Variants in SPECC1 observed in about 807,000 individuals in gnomAD.
The protein encoded by SPECC1 is cytospin-B.
SPECC1 carries 62 observed loss-of-function variants against 104.1 expected under a neutral mutation model. The ratio of observed to expected loss-of-function variants is 0.60; its 90% CI spans 0.49 to 0.74. The LOEUF (loss-of-function observed/expected upper bound fraction) is 0.74, where lower values mean the gene tolerates loss of function less well. Ranked by LOEUF, SPECC1 falls within the 30% of genes least tolerant of loss-of-function variation. The pLI is 0.00. For missense variants in SPECC1, 1,306 were observed against 1,310.5 expected, an observed-to-expected ratio of 1.00 and a Z score of 0.05; for synonymous variants, 513 against 501.6, an observed-to-expected ratio of 1.02 and a Z score of -0.30.
intron 2 of SPECC1, among the ~76,000 whole-genome samples, chr17:20,098,697 C>T (rs2047773253): frequency 6.6e-6 from 1 of 152,218 alleles, no homozygotes; most frequent in South Asian, 2.1e-4. Context: ...GCTCCCTCTG[C>T]CCGGAAAGCA....
At chr17:20,283,871 G>A (rs2040857031) in intron 12 of SPECC1, among the ~76,000 whole-genome samples, 1 of 152,142 alleles carries the variant, frequency 6.6e-6, no homozygotes, top group Admixed American at 6.5e-5. Flanking sequence ...TTATAGGCAT[G>A]AGCTACCATG....
At chr17:20,124,760 A>G (rs144100284) in intron 3 of SPECC1, among the ~76,000 whole-genome samples, 12 of 152,288 alleles carry the variant, frequency 7.9e-5, no homozygotes, top group African/African-American at 2.9e-4. Flanking sequence ...GGCTCAGAAC[A>G]CTCATATGAG....
chr17:20,136,075 G>A (rs1479905622), intron 3 of SPECC1, among the ~76,000 whole-genome samples: 1 of 152,112 alleles, frequency 6.6e-6, no homozygotes, highest in African/African-American at 2.4e-5. Context: ...TGTAGAAAGG[G>A]TCCTAGAGTT....
intron 1 of SPECC1, among the ~76,000 whole-genome samples, chr17:20,075,643 T>A (rs1204894186): frequency 6.6e-6 from 1 of 151,948 alleles, no homozygotes; most frequent in Non-Finnish European, 1.5e-5. Flanking sequence ...TCTCCAAAAT[T>A]TTGTAAAAAA....
At chr17:20,107,556 A>G (rs900496198) in intron 2 of SPECC1, among the ~76,000 whole-genome samples, 1 of 150,228 alleles carries the variant, frequency 6.7e-6, no homozygotes, top group African/African-American at 2.5e-5. Flanking sequence ...TCCTGGGTTC[A>G]AGCGATTCTC....
chr17:20,241,736 AAATT>A (rs1338512885), intron 7 of SPECC1, among the ~76,000 whole-genome samples: 1 of 152,214 alleles, frequency 6.6e-6, no homozygotes, highest in East Asian at 1.9e-4. Context: ...TTTGAAAGTG[AAATT>A]TAGAAGATAT....
At chr17:20,018,684 G>A (rs1815540877) in intron 1 of SPECC1, among the ~76,000 whole-genome samples, 1 of 152,234 alleles carries the variant, frequency 6.6e-6, no homozygotes, top group Non-Finnish European at 1.5e-5. Context: ...AGGATACAAA[G>A]CACAATCAGC....
intron 1 of SPECC1, among the ~76,000 whole-genome samples, chr17:20,075,760 G>A (rs1255697287): frequency 1.3e-5 from 2 of 152,034 alleles, no homozygotes; most frequent in African/African-American, 4.8e-5. Flanking sequence ...AGCCTGGGCA[G>A]CATAGTGATA....
chr17:20,118,337 C>G (rs1279830827), intron 3 of SPECC1, among the ~76,000 whole-genome samples: 2 of 152,086 alleles, frequency 1.3e-5, no homozygotes, highest in East Asian at 3.9e-4. Flanking sequence ...TACTGATATT[C>G]TTGGAAAAGG....
intron 3 of SPECC1, among the ~76,000 whole-genome samples, chr17:20,124,098 CAGA>C (rs1254034093): frequency 6.6e-6 from 1 of 151,588 alleles, no homozygotes; most frequent in African/African-American, 2.4e-5. Context: ...TTGGATGCCA[CAGA>C]AGGAGGAGGG....
chr17:20,253,546 G>A lies in SPECC1; in HGVS notation c.2640G>A (p.Gly880=). Residue 880 remains glycine (G), a synonymous_variant, in exon 10 of 15, where the codon GGG becomes GGA. Transcript: ENST00000395527. ...GCAGTGTGCGGCCAGCCAGCAGAGG[G>A]GTGACTCAACGCTTGGACCTTCCTG... is the stretch of plus-strand genomic sequence containing the variant. ...TYSSVRPASR[G]VTQRLDLPDL... 6.2e-7 allele frequency: 1 copy of A among 1,613,976 alleles called. No individual in the cohort carries two copies. Among genetic ancestry groups the A allele is most frequent in the Non-Finnish European group, 8.5e-7 (1 of 1,180,018 alleles).
chr17:20,112,730 A>G (rs1277130646), intron 3 of SPECC1: 21 of 1,209,140 alleles, frequency 1.7e-5, no homozygotes, highest in Non-Finnish European at 2.5e-5. Flanking sequence ...TCTTAAAGCC[A>G]ATTTAGAAGG....
intron 1 of SPECC1, among the ~76,000 whole-genome samples, chr17:20,074,936 G>T (rs1213983408): frequency 3.3e-5 from 5 of 151,682 alleles, no homozygotes; most frequent in African/African-American, 1.2e-4. Flanking sequence ...GAGCCTTGCT[G>T]TTGTCACCCA....
chr17:20,137,606 GT>G (rs1399931925), intron 3 of SPECC1, among the ~76,000 whole-genome samples: 2 of 152,028 alleles, frequency 1.3e-5, no homozygotes, highest in East Asian at 1.9e-4. Context: ...GATTCTTCAA[GT>G]TTTGCTTTCT....
chr17:20,255,198 G>A (rs895144414), intron 10 of SPECC1, among the ~76,000 whole-genome samples: 3 of 152,148 alleles, frequency 2.0e-5, no homozygotes, highest in African/African-American at 7.2e-5. Flanking sequence ...GAAGACCAAA[G>A]GCCAGTGTAA....
Position 20,238,342 on chromosome 17 carries a change from T to A in SPECC1, c.2351+5937T>A, listed in dbSNP as rs1329891083. 5.8e-6 allele frequency: 6 copies of A among 1,039,428 alleles called. No homozygotes were observed. The East Asian group carries it at 3.5e-4, about 60-fold the overall frequency. The allele number at this position is 1,039,428 out of a possible 1,614,324, so 64.4% of individuals were successfully genotyped here. On this transcript the variant is annotated intron_variant, in intron 7 of 14. Transcript: ENST00000395527. ...ACAATTCAAAATGTGATTTTAAACT[T>A]CTGGAAATATGTGTGTTTGTGAAGA...
intron 9 of SPECC1, among the ~76,000 whole-genome samples, chr17:20,251,708 G>A (rs556259222): frequency 6.6e-6 from 1 of 152,182 alleles, no homozygotes. Flanking sequence ...TAGAGAATCA[G>A]TAAAATAAAT....
chr17:20,170,868 T>G (rs1273014038), intron 3 of SPECC1, among the ~76,000 whole-genome samples: 1 of 152,178 alleles, frequency 6.6e-6, no homozygotes, highest in Non-Finnish European at 1.5e-5. Context: ...AAAGAACTGG[T>G]ACCAACCACC....
chr17:20,098,175 C>T (rs907514094), intron 2 of SPECC1, among the ~76,000 whole-genome samples: 2 of 152,148 alleles, frequency 1.3e-5, no homozygotes, highest in African/African-American at 4.8e-5. Flanking sequence ...CCTTCCTCTC[C>T]ATCTCTCTCA....
Sources: allele counts gnomAD v4.1 joint callset (sites outside exome capture counted in the v4.1 genomes callset), GRCh38; gene constraint gnomAD v4.1.1; transcripts MANE v1.5; gene names NCBI Gene and HGNC (gene_info 2026-07-23, HGNC 2026-07-21).